The following TNS3 variants were observed in gnomAD, a reference collection of about 807,000 sequenced individuals.
TNS3 encodes tensin 3.
A neutral mutation model predicts 140.9 loss-of-function variants in TNS3; 45 were observed. That is an observed-to-expected ratio of 0.32 (90% CI 0.25 to 0.41). The LOEUF (loss-of-function observed/expected upper bound fraction) is 0.41, where lower values mean the gene tolerates loss of function less well. Among genes scored for constraint, TNS3 ranks in the 10% least tolerant of loss-of-function variants. The probability of loss-of-function intolerance (pLI) is 1.00; values close to 1 mark genes in which losing one functional copy is unlikely to be tolerated. For missense variants in TNS3, 1,716 were observed against 1,906.7 expected, an observed-to-expected ratio of 0.90 and a Z score of 1.86; for synonymous variants, 815 against 788.4, an observed-to-expected ratio of 1.03 and a Z score of -0.56.
chr7:47,519,494 G>A (rs1303981261), intron 2 of TNS3, among the ~76,000 whole-genome samples: 1 of 152,160 alleles, frequency 6.6e-6, no homozygotes, highest in Non-Finnish European at 1.5e-5. Context: ...CCCCAGCGGT[G>A]GGGCCACTCA....
intron 20 of TNS3, among the ~76,000 whole-genome samples, chr7:47,311,465 GAGAA>G (rs1399678250): frequency 1.3e-5 from 2 of 150,896 alleles, no homozygotes; most frequent in Non-Finnish European, 1.5e-5. Flanking sequence ...GAGAGAGAGA[GAGAA>G]AGAGAGAATA....
intron 17 of TNS3, among the ~76,000 whole-genome samples, chr7:47,362,957 C>CCATCAA: frequency 4.2e-4 from 2 of 4,736 alleles, no homozygotes; most frequent in African/African-American, 1.5e-3. Context: ...AACATCACCA[C>CCATCAA]CATCATCAGA....
chr7:47,404,062 T>C (rs190249462), intron 13 of TNS3, among the ~76,000 whole-genome samples: 3 of 152,390 alleles, frequency 2.0e-5, no homozygotes, highest in Non-Finnish European at 1.5e-5. Flanking sequence ...GTTGATCCTT[T>C]GCCTTCAGAT....
chr7:47,303,999 T>C (rs1786590988), intron 21 of TNS3, among the ~76,000 whole-genome samples: 1 of 152,206 alleles, frequency 6.6e-6, no homozygotes, highest in Non-Finnish European at 1.5e-5. Context: ...CACATACACG[T>C]GTGCCCTCGG....
intron 20 of TNS3, among the ~76,000 whole-genome samples, chr7:47,307,259 C>T (rs953176743): frequency 6.6e-6 from 1 of 152,196 alleles, no homozygotes; most frequent in Non-Finnish European, 1.5e-5. Flanking sequence ...TTCATATAAA[C>T]TCTTTTTTTC....
chr7:47,430,773 T>G (rs754740816), intron 8 of TNS3, among the ~76,000 whole-genome samples: 23 of 151,538 alleles, frequency 1.5e-4, no homozygotes, highest in African/African-American at 3.9e-4. Context: ...CAGGTTAGAG[T>G]GCAGTGGCAT....
intron 20 of TNS3, among the ~76,000 whole-genome samples, chr7:47,318,462 C>T (rs1182724721): frequency 1.3e-5 from 2 of 152,136 alleles, no homozygotes; most frequent in Non-Finnish European, 2.9e-5. Context: ...GACACAATGT[C>T]CTTGCCTCAA....
At chr7:47,295,571 C>T (rs1418580615) in intron 24 of TNS3, among the ~76,000 whole-genome samples, 1 of 152,180 alleles carries the variant, frequency 6.6e-6, no homozygotes, top group African/African-American at 2.4e-5. Context: ...CTAGAAGATC[C>T]TACTTTTCAA....
At chr7:47,409,131 A>T (rs1793614484) in intron 13 of TNS3, among the ~76,000 whole-genome samples, 1 of 152,126 alleles carries the variant, frequency 6.6e-6, no homozygotes, top group Non-Finnish European at 1.5e-5. Flanking sequence ...AGAGAGGAGG[A>T]AAAGGAAGAA....
At chr7:47,547,323 C>G (rs963894282) in intron 1 of TNS3, among the ~76,000 whole-genome samples, 1 of 152,014 alleles carries the variant, frequency 6.6e-6, no homozygotes, top group Admixed American at 6.6e-5. Context: ...GGGCCTGTGT[C>G]GGGGAGTGGA....
chr7:47,297,589 G>T (rs556784269), intron 23 of TNS3, among the ~76,000 whole-genome samples: 2 of 152,180 alleles, frequency 1.3e-5, no homozygotes, highest in East Asian at 3.9e-4. Context: ...CCACCTGACA[G>T]CCCAGGAAAC....
At chr7:47,367,952 G>T (rs1486735648) in intron 17 of TNS3, among the ~76,000 whole-genome samples, 1 of 152,206 alleles carries the variant, frequency 6.6e-6, no homozygotes, top group East Asian at 1.9e-4. Flanking sequence ...GAAGTACCTG[G>T]CATTCTTCCA....
intron 16 of TNS3, among the ~76,000 whole-genome samples, chr7:47,392,177 G>A (rs1005000746): frequency 2.1e-5 from 3 of 144,900 alleles, no homozygotes; most frequent in South Asian, 2.2e-4. Flanking sequence ...ACACTGACAC[G>A]ACTGCCGTCC....
chr7:47,292,705 G>T, intron 26 of TNS3, 123 bp downstream of exon 26: 2 of 841,000 alleles, frequency 2.4e-6, no homozygotes, highest in Non-Finnish European at 3.7e-6. Flanking sequence ...GTTCAACCAA[G>T]AGAATACGAA....
At chr7:47,327,260 AT>A in intron 20 of TNS3, among the ~76,000 whole-genome samples, 1 of 146,180 alleles carries the variant, frequency 6.8e-6, no homozygotes, top group East Asian at 2.8e-4. Flanking sequence ...CAGTGAATGC[AT>A]GGGTTTTTGT....
intron 1 of TNS3, among the ~76,000 whole-genome samples, chr7:47,538,780 T>G (rs1799695557): frequency 6.6e-6 from 1 of 152,134 alleles, no homozygotes; most frequent in East Asian, 1.9e-4. Flanking sequence ...GCATTCTCAT[T>G]TCCCCCTGTC....
intron 1 of TNS3, among the ~76,000 whole-genome samples, chr7:47,538,214 G>A (rs1455407470): frequency 6.6e-6 from 1 of 152,070 alleles, no homozygotes. Context: ...AATGCCTGTC[G>A]GACTTCACCA....
chr7:47,431,404 C>A (rs1272885156), intron 8 of TNS3, among the ~76,000 whole-genome samples: 1 of 152,036 alleles, frequency 6.6e-6, no homozygotes, highest in Non-Finnish European at 1.5e-5. Flanking sequence ...ACCTTCCTGG[C>A]CAACATGGTG....
intron 2 of TNS3, among the ~76,000 whole-genome samples, chr7:47,510,689 C>T (rs1342144672): frequency 6.6e-6 from 1 of 151,918 alleles, no homozygotes; most frequent in African/African-American, 2.4e-5. Flanking sequence ...GCCTGGCCAA[C>T]ATAGTGAAAC....
Sources: allele counts gnomAD v4.1 joint callset (sites outside exome capture counted in the v4.1 genomes callset), GRCh38; gene constraint gnomAD v4.1.1; transcripts MANE v1.5; gene names NCBI Gene and HGNC (gene_info 2026-07-23, HGNC 2026-07-21).